Variants in PLA2G2E observed in about 807,000 individuals in gnomAD.
PLA2G2E encodes the protein phospholipase A2 group IIE, also known as group IIE secretory phospholipase A2.
Under a neutral mutation model 16.5 loss-of-function variants are expected in PLA2G2E, and 14 were observed. That is an observed-to-expected ratio of 0.85 (90% CI 0.56 to 1.33). PLA2G2E has a LOEUF of 1.33. Among genes scored for constraint, PLA2G2E ranks in the 40% most tolerant of loss-of-function variants. PLA2G2E has a pLI of 0.00. For missense variants in PLA2G2E, 174 were observed against 190.7 expected, an observed-to-expected ratio of 0.91 and a Z score of 0.52; for synonymous variants, 72 against 77.2, an observed-to-expected ratio of 0.93 and a Z score of 0.36.
At position 19,920,445 on chromosome 1, in the gene PLA2G2E, G is replaced by A. The variant is rs2045805934; in HGVS notation, c.291C>T (p.Gly97=). ...AGGTCAGCCGCTGGCAGGTGGTCCT[G>A]CCGGCTGGATGGGACAAAGTGAGTC... ...SVSERGIFCA[G]RTTCQRLTCE... is the part of the protein sequence containing the mutation. Residue 97 remains glycine, a synonymous_variant, in exon 4 of 4, where the codon GGC becomes GGT. Transcript: ENST00000375116. This position sits in a 1 kb window ranked among gnomAD's most constrained non-coding sequence, Gnocchi z 4.3. 2.5e-6 allele frequency: 4 copies of A among 1,613,414 alleles called. No homozygotes were observed. The East Asian group carries it at 6.7e-5, about 27-fold the overall frequency.
Position 19,922,712 on chromosome 1 carries a change from G to C in PLA2G2E, c.84C>G (p.Ile28Met). 1 of 1,613,894 alleles carries C rather than the reference G, an allele frequency of 6.2e-7. No homozygotes were observed. Among genetic ancestry groups the C allele is most frequent in the South Asian group, 1.1e-5 (1 of 91,064 alleles). Residue 28 changes from isoleucine (I) to methionine (M), a missense_variant, in exon 2 of 4, where the codon ATC becomes ATG. Physicochemically the swap from Ile to Met is conservative, Grantham distance 10. Coordinates refer to ENST00000375116, the MANE Select transcript of PLA2G2E (RefSeq NM_014589.3). Reference protein sequence around the residue: ...TGNLVQFGVMIEKMTGKSALQ... With the variant: ...TGNLVQFGVMMEKMTGKSALQ... ...GGGCGGACTTGCCTGTCATCTTCTC[G>C]ATCATCACCCCAAACTGAACCAGGT...
At chr1:19,922,435 C>G in intron 2 of PLA2G2E, 31 bp from the exon 3 acceptor site, 1 of 1,598,554 alleles carries the variant, frequency 6.3e-7, no homozygotes, top group Non-Finnish European at 8.6e-7. Flanking sequence ...CTGGAGGGAC[C>G]TGTGAGCCAG....
At position 19,920,319 on chromosome 1, in the gene PLA2G2E, G is replaced by C; in HGVS notation, c.417C>G (p.Thr139=). The C allele has an allele frequency of 6.2e-7, 1 of 1,612,470 alleles. No individual in the cohort carries two copies. Among genetic ancestry groups the C allele is most frequent in the Non-Finnish European group, 8.5e-7 (1 of 1,179,672 alleles). The change falls in exon 4 of 4, where the codon ACC becomes ACG. Residue 139 remains threonine (T), a synonymous_variant. Transcript: ENST00000375116. This position sits in a 1 kb window ranked among gnomAD's most constrained non-coding sequence, Gnocchi z 4.3. ...HYPNKLCTGP[T]PPC ...GCCGAGCATAGCCTCAGCAGGGCGG[G>C]GTGGGCCCGGTGCACAGCTTGTTGG...
At chr1:19,922,185 G>C (rs1435414213) in intron 3 of PLA2G2E, 113 bp downstream of exon 3, 1 of 697,480 alleles carries the variant, frequency 1.4e-6, no homozygotes, top group African/African-American at 1.8e-5. Context: ...CTCCAGCCCA[G>C]GGTCTGGCTC....
At position 19,923,511 on chromosome 1, in the gene PLA2G2E, A is replaced by G; in HGVS notation, c.40+9T>C. The G allele has an allele frequency of 6.5e-7, 1 of 1,547,922 alleles. No individual in the cohort carries two copies. The highest frequency in any genetic ancestry group is 8.7e-7 in the Non-Finnish European group (1 of 1,145,480). ...GGGCAGAAGGCTGAAGGTCACAAAG[A>G]TCACTTACCCAGGAGGCAAAGGAAC... On this transcript the variant is annotated intron_variant, in intron 1 of 3. Coordinates refer to ENST00000375116, the MANE Select transcript of PLA2G2E (RefSeq NM_014589.3).
chr1:19,922,785 G>A, intron 1 of PLA2G2E, 30 bp from the exon 2 acceptor site: 2 of 1,611,508 alleles, frequency 1.2e-6, no homozygotes, highest in Non-Finnish European at 1.7e-6. Context: ...GAGGGAGAGG[G>A]AGGGCCCCAC....
intron 3 of PLA2G2E, among the ~76,000 whole-genome samples, chr1:19,921,346 C>G (rs78218581): frequency 6.6e-6 from 1 of 152,182 alleles, no homozygotes; most frequent in African/African-American, 2.4e-5. Flanking sequence ...TAAGCCTCTC[C>G]GTTTTCTAGG....
In PLA2G2E at chr1:19,920,480, A is replaced by C; in HGVS notation, c.287-31T>G. 6.2e-7 allele frequency: 1 copy of C among 1,609,154 alleles called. No individual in the cohort carries two copies. Among genetic ancestry groups the C allele is most frequent in the Non-Finnish European group, 8.5e-7 (1 of 1,178,354 alleles). ...TGGGACAAAGTGAGTCAGGGACCAC[A>C]GAAGCTCAGGATATGTGTGGGACAG... On this transcript the variant is annotated intron_variant, in intron 3 of 3. Coordinates refer to ENST00000375116, the MANE Select transcript of PLA2G2E (RefSeq NM_014589.3). The surrounding 1 kb of genome is among the most constrained non-coding windows in gnomAD (Gnocchi z 4.3).
At position 19,922,385 on chromosome 1, in the gene PLA2G2E, A is replaced by T. The variant is rs140744541; in HGVS notation, c.199T>A (p.Cys67Ser). 1.1e-5 allele frequency: 18 copies of T among 1,613,830 alleles called. No individual in the cohort carries two copies. The highest frequency in any genetic ancestry group is 3.3e-5 in the Admixed American group (2 of 59,996). ...AGCTTCTCCAGACGCCCGTAGCAGC[A>T]GTCGTGGGCGTGGCAGCACCTGTAA... Reference protein sequence around the residue: ...QTDWCCHAHDCCYGRLEKLGC... With the variant: ...QTDWCCHAHDSCYGRLEKLGC... The change falls in exon 3 of 4, where the codon TGC becomes AGC. Residue 67 changes from cysteine (C) to serine (S), a missense_variant. Transcript: ENST00000375116.
At chr1:19,922,802 C>T in intron 1 of PLA2G2E, 47 bp from the exon 2 acceptor site, 1 of 1,584,542 alleles carries the variant, frequency 6.3e-7, no homozygotes, top group Non-Finnish European at 8.6e-7. Flanking sequence ...CCACCCTCTG[C>T]AGCCAACTTC....
At chr1:19,922,160 C>G in intron 3 of PLA2G2E, 138 bp downstream of exon 3, 2 of 630,064 alleles carry the variant, frequency 3.2e-6, no homozygotes, top group South Asian at 3.9e-5. Context: ...TACGTGGTAA[C>G]GGGAAACCCC....
intron 3 of PLA2G2E, among the ~76,000 whole-genome samples, chr1:19,921,249 G>C (rs750721722): frequency 6.6e-6 from 1 of 152,238 alleles, no homozygotes; most frequent in Non-Finnish European, 1.5e-5. Flanking sequence ...GCAACACCCA[G>C]GGTTGGAAGG....
At position 19,922,739 on chromosome 1, in the gene PLA2G2E, C is replaced by G. The variant is rs765732453; in HGVS notation, c.57G>C (p.Gly19=). 6.2e-7 allele frequency: 1 copy of G among 1,613,640 alleles called. No individual in the cohort carries two copies. The highest frequency in any genetic ancestry group is 2.2e-5 in the East Asian group (1 of 44,874). Reference sequence around the variant, plus strand: ...TCATCACCCCAAACTGAACCAGGTTCCCGGTGACCAGAGCCACTGCAGAGA... The same window carrying G: ...TCATCACCCCAAACTGAACCAGGTTGCCGGTGACCAGAGCCACTGCAGAGA... ...FLCLLVALVT[G]NLVQFGVMIE... Residue 19 remains glycine, a synonymous_variant, in exon 2 of 4, where the codon GGG becomes GGC. Transcript: ENST00000375116.
At chr1:19,923,170 T>G (rs2045832436) in intron 1 of PLA2G2E, among the ~76,000 whole-genome samples, 2 of 152,174 alleles carry the variant, frequency 1.3e-5, no homozygotes, top group South Asian at 4.1e-4. Context: ...CCTCCCCAAA[T>G]TCTTCCCGGT....
Position 19,922,634 on chromosome 1 carries a change from C to A in PLA2G2E, c.162G>T (p.Pro54=), listed in dbSNP as rs12731919. The A allele has an allele frequency of 3.8e-3, 6,074 of 1,613,998 alleles. 25 individuals are homozygous for A. The highest frequency in any genetic ancestry group is 4.6e-3 in the Non-Finnish European group (5,450 of 1,179,980). Residue 54 remains proline, a synonymous_variant, in exon 2 of 4, where the codon CCG becomes CCT. Transcript: ENST00000375116. ...CYCGIGGSHW[P]VDQTDWCCHA... is the part of the protein sequence containing the mutation. ...TTCCTCACCAGTCAGTCTGGTCCAC[C>A]GGCCAGTGGGAGCCACCGATGCCGC... is the stretch of plus-strand genomic sequence containing the variant.
Position 19,920,516 on chromosome 1 carries a change from C to T in PLA2G2E, c.287-67G>A, listed in dbSNP as rs901735847. ...ATATGTGTGGGACAGCTCTTGGCTG[C>T]TTCTGGGTCCACGTTCTTGACCTGG... On this transcript the variant is annotated intron_variant, in intron 3 of 3. Coordinates refer to ENST00000375116, the MANE Select transcript of PLA2G2E (RefSeq NM_014589.3). The surrounding 1 kb of genome is among the most constrained non-coding windows in gnomAD (Gnocchi z 4.3). 1.0e-5 allele frequency: 16 copies of T among 1,528,552 alleles called. No homozygotes were observed. The highest frequency in any genetic ancestry group is 1.4e-5 in the African/African-American group (1 of 73,260). The allele number at this position is 1,528,552 out of a possible 1,614,324, so 94.7% of individuals were successfully genotyped here.
chr1:19,922,376 C>A lies in PLA2G2E; in HGVS notation c.208G>T (p.Gly70Trp). The A allele has an allele frequency of 6.2e-7, 1 of 1,614,044 alleles. No individual in the cohort carries two copies. The highest frequency in any genetic ancestry group is 1.1e-5 in the South Asian group (1 of 91,078). ...TCACAGCCCAGCTTCTCCAGACGCC[C>A]GTAGCAGCAGTCGTGGGCGTGGCAG... ...WCCHAHDCCYGRLEKLGCEPK... is the reference protein window; with the variant it reads ...WCCHAHDCCYWRLEKLGCEPK... The change falls in exon 3 of 4, where the codon GGG (glycine) becomes TGG (tryptophan). Residue 70 changes from glycine to tryptophan, a missense_variant. Gly to Trp is a radical substitution (Grantham distance 184, BLOSUM62 -2). Transcript: ENST00000375116.
chr1:19,922,370 G>C lies in PLA2G2E; in HGVS notation c.214C>G (p.Leu72Val), dbSNP rs2045823141. The C allele has an allele frequency of 1.2e-6, 2 of 1,613,956 alleles. No homozygotes were observed. The highest frequency in any genetic ancestry group is 3.3e-5 in the Admixed American group (2 of 59,992). Reference sequence around the variant, plus strand: ...TTGGGCTCACAGCCCAGCTTCTCCAGACGCCCGTAGCAGCAGTCGTGGGCG... The same window carrying C: ...TTGGGCTCACAGCCCAGCTTCTCCACACGCCCGTAGCAGCAGTCGTGGGCG... The part of the protein sequence containing the change: ...CHAHDCCYGR[L>V]EKLGCEPKLE... Residue 72 changes from leucine to valine, a missense_variant, in exon 3 of 4, where the codon CTG (leucine) becomes GTG (valine). Leu to Val is a conservative substitution (Grantham distance 32, BLOSUM62 1). Transcript: ENST00000375116.
At chr1:19,921,470 C>T (rs61769086) in intron 3 of PLA2G2E, among the ~76,000 whole-genome samples, 6,129 of 152,292 alleles carry the variant, frequency 0.04, 296 homozygotes, top group African/African-American at 0.12. Flanking sequence ...CTGCCTCCTC[C>T]CCTCAGCCCT....
Sources: allele counts gnomAD v4.1 joint callset (sites outside exome capture counted in the v4.1 genomes callset), GRCh38; gene constraint gnomAD v4.1.1; non-coding constraint Gnocchi (gnomAD v3.1); transcripts MANE v1.5; gene names NCBI Gene and HGNC (gene_info 2026-07-23, HGNC 2026-07-21).